Variants in ZNF670 observed in about 807,000 individuals in gnomAD.
ZNF670 encodes the protein zinc finger protein 670.
Under a neutral mutation model 10.9 loss-of-function variants are expected in ZNF670, and 7 were observed. The ratio of observed to expected loss-of-function variants is 0.64; its 90% CI spans 0.36 to 1.20. ZNF670 has a LOEUF of 1.20. Ranked by LOEUF, ZNF670 falls within the 50% of genes most tolerant of loss-of-function variation. The pLI, the probability that ZNF670 is intolerant of heterozygous loss-of-function variation, is 0.02. For missense variants in ZNF670, 446 were observed against 458.6 expected (o/e 0.97, Z 0.25); for synonymous variants, 136 against 152.7 (o/e 0.89, Z 0.81).
At chr1:247,064,482 G>T (rs940116282) in intron 1 of ZNF670, among the ~76,000 whole-genome samples, 1 of 152,182 alleles carries the variant, frequency 6.6e-6, no homozygotes, top group East Asian at 1.9e-4. Flanking sequence ...CCTGTGTTGG[G>T]ACCTGACCTC....
intron 1 of ZNF670, among the ~76,000 whole-genome samples, chr1:247,062,910 G>A (rs1670890919): frequency 6.6e-6 from 1 of 152,176 alleles, no homozygotes; most frequent in Admixed American, 6.5e-5. Context: ...GCCACTGTGG[G>A]CATCTTGGGT....
chr1:247,044,606 C>T (rs1002685711), intron 1 of ZNF670, among the ~76,000 whole-genome samples: 1 of 152,144 alleles, frequency 6.6e-6, no homozygotes, highest in Non-Finnish European at 1.5e-5. Context: ...TACATATACA[C>T]CATGGAATAC....
rs974921638 is a variant in ZNF670 at position 247,035,238 on chromosome 1, G to C, written c.*2211C>G. On this transcript the variant is annotated 3_prime_UTR_variant, in exon 4 of 4. Transcript: ENST00000366503. ...GTGACAGGAAAAATTAGGACCCTAA[G>C]ACTACTGGGAAAAACACGTGACACC... 6.6e-6 allele frequency among the ~76,000 whole-genome samples: 1 copy of C among 152,172 alleles called. No homozygotes were observed. Among genetic ancestry groups the C allele is most frequent in the Non-Finnish European group, 1.5e-5 (1 of 68,022 alleles).
chr1:247,062,435 C>T (rs937842697), intron 1 of ZNF670, among the ~76,000 whole-genome samples: 14 of 152,224 alleles, frequency 9.2e-5, no homozygotes, highest in African/African-American at 2.4e-4. Context: ...CTGGCCTCCT[C>T]GAAAATATTT....
chr1:247,063,849 G>C (rs1474946286), intron 1 of ZNF670, among the ~76,000 whole-genome samples: 1 of 152,134 alleles, frequency 6.6e-6, no homozygotes, highest in African/African-American at 2.4e-5. Flanking sequence ...GGGAGACATG[G>C]GGCTGTGGGC....
chr1:247,064,004 C>G (rs755891902), intron 1 of ZNF670, among the ~76,000 whole-genome samples: 1 of 152,224 alleles, frequency 6.6e-6, no homozygotes, highest in Non-Finnish European at 1.5e-5. Flanking sequence ...GGGTCACAGA[C>G]TCTGTAGCTG....
At chr1:247,067,993 CT>C in intron 1 of ZNF670, among the ~76,000 whole-genome samples, 1 of 150,392 alleles carries the variant, frequency 6.6e-6, no homozygotes, top group East Asian at 2.0e-4. Context: ...GCTCAAACAA[CT>C]CTATAGGAAA....
At chr1:247,070,449 C>T (rs893141482) in intron 1 of ZNF670, among the ~76,000 whole-genome samples, 15 of 152,120 alleles carry the variant, frequency 9.9e-5, no homozygotes, top group East Asian at 3.9e-4. Flanking sequence ...CCAGCCTGGG[C>T]GACAGAGTGA....
intron 1 of ZNF670, among the ~76,000 whole-genome samples, chr1:247,064,407 G>C (rs1288181829): frequency 2.0e-5 from 3 of 152,192 alleles, no homozygotes; most frequent in Admixed American, 6.5e-5. Flanking sequence ...CCTTCCCTAA[G>C]TGACAAGAAA....
chr1:247,073,614 A>T (rs1045158081), intron 1 of ZNF670, among the ~76,000 whole-genome samples: 2 of 152,202 alleles, frequency 1.3e-5, no homozygotes, highest in Non-Finnish European at 1.5e-5. Context: ...GAAGGCTCTG[A>T]TCTGTGAGTC....
At chr1:247,040,958 G>A (rs1169482278) in intron 1 of ZNF670, among the ~76,000 whole-genome samples, 1 of 152,198 alleles carries the variant, frequency 6.6e-6, no homozygotes, top group Non-Finnish European at 1.5e-5. Flanking sequence ...GCCTCCCAAA[G>A]TGCTGGGCTT....
intron 1 of ZNF670, among the ~76,000 whole-genome samples, chr1:247,053,005 T>C (rs1275742392): frequency 2.0e-5 from 3 of 152,088 alleles, no homozygotes; most frequent in Non-Finnish European, 4.4e-5. Context: ...TTCAGGCCAA[T>C]GGAGTTGTTT....
At chr1:247,047,053 G>C (rs1670468012) in intron 1 of ZNF670, among the ~76,000 whole-genome samples, 1 of 152,208 alleles carries the variant, frequency 6.6e-6, no homozygotes, top group African/African-American at 2.4e-5. Flanking sequence ...TCATGGCCTT[G>C]GGCAGCTCCA....
intron 1 of ZNF670, among the ~76,000 whole-genome samples, chr1:247,052,228 G>A (rs1436635770): frequency 1.3e-5 from 2 of 152,126 alleles, no homozygotes; most frequent in African/African-American, 4.8e-5. Flanking sequence ...CTATGTCAGA[G>A]GAAAGATCTG....
Position 247,035,609 on chromosome 1 carries a change from T to C in ZNF670, c.*1840A>G, listed in dbSNP as rs1670131095. The stretch of plus-strand genomic sequence containing the variant: ...ACACATAATATAAACTAGTTATGCA[T>C]AATTCATAGTAACTTACAAAACTGT... On this transcript the variant is annotated 3_prime_UTR_variant, in exon 4 of 4. Transcript: ENST00000366503. 6.6e-6 allele frequency among the ~76,000 whole-genome samples: 1 copy of C among 152,210 alleles called. No individual in the cohort carries two copies. The highest frequency in any genetic ancestry group is 1.5e-5 in the Non-Finnish European group (1 of 68,028).
chr1:247,042,636 G>C (rs138272872), intron 1 of ZNF670, among the ~76,000 whole-genome samples: 50 of 152,316 alleles, frequency 3.3e-4, no homozygotes, highest in South Asian at 1.2e-3. Context: ...ACCATATCCT[G>C]ATGTGACGTC....
At chr1:247,048,550 AT>A (rs1380749974) in intron 1 of ZNF670, among the ~76,000 whole-genome samples, 2 of 152,170 alleles carry the variant, frequency 1.3e-5, no homozygotes, top group Non-Finnish European at 2.9e-5. Flanking sequence ...ACTTCCACAT[AT>A]TCAGGTATCT....
chr1:247,062,416 C>A (rs949998462), intron 1 of ZNF670, among the ~76,000 whole-genome samples: 1 of 152,002 alleles, frequency 6.6e-6, no homozygotes, highest in Non-Finnish European at 1.5e-5. Flanking sequence ...TTTTGAAATC[C>A]ATTTCCTTCT....
In ZNF670 at chr1:247,036,762, G is replaced by A. The variant is rs773119576; in HGVS notation, c.*687C>T. On this transcript the variant is annotated 3_prime_UTR_variant, in exon 4 of 4. Transcript: ENST00000366503. ...AAAATGAAAATAACAATGTACATGA[G>A]ACTATATAAACTTCACATACATGCA... is the stretch of plus-strand genomic sequence containing the variant. The A allele has an allele frequency of 6.6e-6, 1 of 152,026 alleles. No individual in the cohort carries two copies. The highest frequency in any genetic ancestry group is 1.5e-5 in the Non-Finnish European group (1 of 68,006). 9.4% of individuals were successfully genotyped at this position (152,026 alleles called of 1,614,324 possible).
Sources: gnomAD v4.1 joint callset for allele counts (sites outside exome capture counted in the v4.1 genomes callset) on GRCh38, gnomAD v4.1.1 for gene constraint, MANE v1.5 for transcripts, NCBI Gene and HGNC (gene_info 2026-07-23, HGNC 2026-07-21) for gene names.